SPATA31F1: variants seen among roughly 807,000 people sequenced by gnomAD.
SPATA31F1 encodes the protein SPATA31 subfamily F member 1, also known as protein SPATA31F1.
At chr9:34,724,045 C>T in the SPATA31F1 span, 31 of 1,525,950 alleles carry the variant, frequency 2.0e-5, no homozygotes, top group Middle Eastern at 3.5e-4. Flanking sequence ...GCCCAAACCC[C>T]GCATCCCCTT....
the SPATA31F1 span, chr9:34,724,073 G>A: frequency 1.3e-6 from 2 of 1,523,120 alleles, no homozygotes; most frequent in Non-Finnish European, 1.8e-6. Context: ...GTCCCTGGCT[G>A]CTTTGGTTTC....
chr9:34,727,900 C>T, the SPATA31F1 span: 1 of 888,974 alleles, frequency 1.1e-6, no homozygotes. Context: ...AGTGTCCCTG[C>T]TTCCACTGTG....
chr9:34,728,713 A>G, the SPATA31F1 span: 1 of 1,440,032 alleles, frequency 6.9e-7, no homozygotes, highest in African/African-American at 1.4e-5. Flanking sequence ...TCTCATGTCC[A>G]AAATGAGACA....
At chr9:34,728,869 A>T in the SPATA31F1 span, among the ~76,000 whole-genome samples, 2 of 152,158 alleles carry the variant, frequency 1.3e-5, no homozygotes, top group South Asian at 4.1e-4. Context: ...TCCAAATTCT[A>T]TACCTCCCAT....
chr9:34,724,010 C>T, the SPATA31F1 span: 64 of 1,547,360 alleles, frequency 4.1e-5, no homozygotes, highest in South Asian at 4.8e-4. Flanking sequence ...TTCAGCAGGG[C>T]GTCTCTCTTC....
chr9:34,729,046 C>T, the SPATA31F1 span, among the ~76,000 whole-genome samples: 15 of 152,182 alleles, frequency 9.9e-5, no homozygotes, highest in African/African-American at 3.6e-4. Flanking sequence ...GCAAGATAGA[C>T]TTCATATTAT....
chr9:34,729,249 A>G, the SPATA31F1 span: 2 of 1,537,770 alleles, frequency 1.3e-6, no homozygotes, highest in Non-Finnish European at 1.8e-6. Flanking sequence ...TTCTTATCTG[A>G]GGCTTAATTA....
chr9:34,728,020 A>T, the SPATA31F1 span: 1 of 1,551,984 alleles, frequency 6.4e-7, no homozygotes, highest in Non-Finnish European at 8.7e-7. Flanking sequence ...GCAATAGATC[A>T]CCTTTTAATG....
At chr9:34,729,215 G>A in the SPATA31F1 span, 1 of 1,482,418 alleles carries the variant, frequency 6.7e-7, no homozygotes, top group Non-Finnish European at 9.0e-7. Flanking sequence ...GGATTATAAG[G>A]GAGCACGGTA....
chr9:34,727,032 G>T, the SPATA31F1 span: 1 of 1,523,154 alleles, frequency 6.6e-7, no homozygotes, highest in Non-Finnish European at 8.8e-7. Flanking sequence ...AGTGACATCT[G>T]CCTTCTTGGA....
At chr9:34,726,711 C>G in the SPATA31F1 span, 1 of 1,551,520 alleles carries the variant, frequency 6.4e-7, no homozygotes, top group Admixed American at 2.0e-5. Flanking sequence ...GATTTCTGAT[C>G]TGTTAATTGT....
chr9:34,729,187 A>G, the SPATA31F1 span: 18 of 1,383,846 alleles, frequency 1.3e-5, no homozygotes, highest in Admixed American at 2.8e-5. Context: ...AAAGTATGCT[A>G]TAAAAATTCT....
the SPATA31F1 span, chr9:34,723,724 C>G: frequency 6.4e-7 from 1 of 1,551,702 alleles, no homozygotes; most frequent in Non-Finnish European, 8.7e-7. Flanking sequence ...TTGGTTGGCT[C>G]AGGAAAGGCT....
At chr9:34,724,366 C>T in the SPATA31F1 span, 1 of 1,550,784 alleles carries the variant, frequency 6.4e-7, no homozygotes, top group African/African-American at 1.4e-5. Context: ...TAAGGTGAAC[C>T]CCTTCTGGAT....
the SPATA31F1 span, chr9:34,726,537 C>G: frequency 6.4e-7 from 1 of 1,551,812 alleles, no homozygotes; most frequent in Non-Finnish European, 8.7e-7. Context: ...GTCATCTCCT[C>G]CTGGTTCAGT....
chr9:34,725,282 A>C, the SPATA31F1 span: 9 of 1,325,458 alleles, frequency 6.8e-6, no homozygotes, highest in Non-Finnish European at 9.4e-6. Context: ...GGGTGACAGC[A>C]CATCGCAAGC....
the SPATA31F1 span, chr9:34,728,702 T>G: frequency 1.3e-6 from 2 of 1,520,158 alleles, no homozygotes; most frequent in East Asian, 4.9e-5. Context: ...ACCATTTTCT[T>G]TCTCATGTCC....
the SPATA31F1 span, chr9:34,725,814 A>C: frequency 6.5e-7 from 1 of 1,549,794 alleles, no homozygotes; most frequent in South Asian, 1.2e-5. Context: ...AGTTGGGGGA[A>C]GGAGAGCTCA....
chr9:34,724,743 C>T, the SPATA31F1 span: 2 of 1,551,770 alleles, frequency 1.3e-6, no homozygotes. Flanking sequence ...ATACACTGTT[C>T]TTCAAATGAA....
Sources: gnomAD v4.1 joint callset for allele counts (sites outside exome capture counted in the v4.1 genomes callset) on GRCh38, gnomAD v4.1.1 for gene constraint, MANE v1.5 for transcripts, NCBI Gene and HGNC (gene_info 2026-07-23, HGNC 2026-07-21) for gene names.